Variants in GPR108 observed in about 807,000 individuals in gnomAD.
GPR108 encodes G protein-coupled receptor 108.
In GPR108, 60 loss-of-function variants were observed where a neutral mutation model predicts 74.3. That is an observed-to-expected ratio of 0.81 (90% confidence interval 0.66 to 1.00). The LOEUF is 1.00. Ranked by LOEUF, GPR108 falls within the 50% of genes least tolerant of loss-of-function variation. The pLI is 0.00. For missense variants in GPR108, 667 were observed against 703.3 expected, an observed-to-expected ratio of 0.95 and a Z score of 0.58; for synonymous variants, 311 against 292.4, an observed-to-expected ratio of 1.06 and a Z score of -0.65.
At chr19:6,735,828 C>T (rs1968612566) in intron 3 of GPR108, 80 bp downstream of exon 3, 1 of 1,540,494 alleles carries the variant, frequency 6.5e-7, no homozygotes, top group Non-Finnish European at 8.9e-7. Flanking sequence ...AACAGGGGCC[C>T]TTGGGTTACA....
Position 6,733,702 on chromosome 19 carries a change from C to T in GPR108, c.619-28G>A, listed in dbSNP as rs1047774298. On this transcript the variant is annotated intron_variant, in intron 7 of 17. Transcript: ENST00000264080. ...GGGCGGGCGGGGAGAGAGGAGGGCT[C>T]AGCCTGGGGGACCCGTGGTCTGGGG... 6 of 1,604,552 alleles carry T rather than the reference C, an allele frequency of 3.7e-6. No homozygotes were observed. The East Asian group carries it at 6.7e-5, about 18-fold the overall frequency.
chr19:6,730,379 G>C lies in GPR108; in HGVS notation c.1565C>G (p.Thr522Arg). The C allele has an allele frequency of 6.2e-7, 1 of 1,612,934 alleles. No homozygotes were observed. The highest frequency in any genetic ancestry group is 1.1e-5 in the South Asian group (1 of 91,048). ...EEDVQMEQVM[T>R]DSGFREGLSK... ...GAGGCCTTCCCGGAACCCAGAGTCC[G>C]TCATTCTGGGGGCAGACAGCGAGGA... The change falls in exon 18 of 18, where the codon ACG (threonine) becomes AGG (arginine). Residue 522 changes from threonine (T) to arginine (R), a missense_variant. Coordinates refer to ENST00000264080, the MANE Select transcript of GPR108 (RefSeq NM_001080452.2).
At chr19:6,735,586 C>T (rs766612266) in intron 4 of GPR108, 36 bp downstream of exon 4, 19 of 1,578,856 alleles carry the variant, frequency 1.2e-5, no homozygotes, top group Admixed American at 1.2e-4. Flanking sequence ...GAAACGCAGA[C>T]GAAGGATCTG....
intron 10 of GPR108, 21 bp from the exon 11 acceptor site, chr19:6,732,570 G>A (rs777118597): frequency 2.7e-5 from 44 of 1,602,356 alleles, no homozygotes; most frequent in Non-Finnish European, 3.1e-5. Context: ...ATGGACAGAC[G>A]GACAGTGAGG....
At chr19:6,737,358 C>T (rs1006383959) in intron 1 of GPR108, 99 bp downstream of exon 1, 34 of 1,385,718 alleles carry the variant, frequency 2.5e-5, no homozygotes, top group Non-Finnish European at 3.2e-5. Flanking sequence ...TCCACCGCCT[C>T]GGGGACGGGG....
rs1441408502 is a variant in GPR108, at chr19:6,732,537, A to C, written c.946T>G (p.Phe316Val). 1 of 1,612,380 alleles carries C rather than the reference A, an allele frequency of 6.2e-7. No homozygotes were observed. Among genetic ancestry groups the C allele is most frequent in the African/African-American group, 1.3e-5 (1 of 74,762 alleles). ...ATGGGGTGGCCCTGGCTGTTGATGAAGTAGTAGTTGATCTGGGGGTGGATG... is the reference window on the plus strand; with the variant it reads ...ATGGGGTGGCCCTGGCTGTTGATGACGTAGTAGTTGATCTGGGGGTGGATG... ...SLLFHSINYY[F>V]INSQGHPIEG... Residue 316 changes from phenylalanine to valine, a missense_variant, in exon 11 of 18, where the codon TTC becomes GTC. By Grantham distance (50) the Phe-to-Val change is conservative. Coordinates refer to ENST00000264080, the MANE Select transcript of GPR108 (RefSeq NM_001080452.2).
At chr19:6,737,420 C>T (rs764660187) in intron 1 of GPR108, 37 bp downstream of exon 1, 9 of 1,571,462 alleles carry the variant, frequency 5.7e-6, no homozygotes, top group Non-Finnish European at 6.0e-6. Flanking sequence ...GACAAAGTTG[C>T]GCCACCGACC....
At position 6,733,266 on chromosome 19, in the gene GPR108, C is replaced by A. The variant is rs749233730; in HGVS notation, c.759G>T (p.Leu253=). 1.9e-6 allele frequency: 3 copies of A among 1,613,914 alleles called. No individual in the cohort carries two copies. The highest frequency in any genetic ancestry group is 8.5e-7 in the Non-Finnish European group (1 of 1,180,020). ...TGAAAAGGGGCATCTCCGCTGCCGA[C>A]AGGAAGCCATCGGGGTTCTTCTCCC... The part of the protein sequence containing the change: ...MIREKNPDGF[L]SAAEMPLFKL... Residue 253 remains leucine (L), a synonymous_variant, in exon 9 of 18, where the codon CTG becomes CTT. Coordinates refer to ENST00000264080, the MANE Select transcript of GPR108 (RefSeq NM_001080452.2).
chr19:6,732,599 G>A (rs1968462285), intron 10 of GPR108, 50 bp from the exon 11 acceptor site: 1 of 1,413,402 alleles, frequency 7.1e-7, no homozygotes, highest in East Asian at 2.3e-5. Context: ...GGGGTGGGAG[G>A]CTGATGGTGG....
In GPR108 at chr19:6,732,304, C is replaced by T; in HGVS notation, c.1084G>A (p.Asp362Asn). 6.2e-7 allele frequency: 1 copy of T among 1,613,184 alleles called. No individual in the cohort carries two copies. The highest frequency in any genetic ancestry group is 8.5e-7 in the Non-Finnish European group (1 of 1,180,040). The change falls in exon 12 of 18, where the codon GAT becomes AAT. Residue 362 changes from aspartate (D) to asparagine (N), a missense_variant. Asp to Asn is a conservative substitution (Grantham distance 23). Transcript: ENST00000264080. ...ATCCCAAAGACCTTCTTCTCCTTAT[C>T]CGACAGGACGTACTTGATGAAGGCC... is the stretch of plus-strand genomic sequence containing the variant. ...GWAFIKYVLS[D>N]KEKKVFGIVI...
intron 15 of GPR108, 28 bp from the exon 16 acceptor site, chr19:6,731,310 C>T: frequency 6.5e-7 from 1 of 1,535,606 alleles, no homozygotes; most frequent in South Asian, 1.2e-5. Context: ...GGCGTGGGGC[C>T]AGGACTGTAG....
chr19:6,736,941 TG>T (rs1277115657), intron 1 of GPR108: 2 of 574,312 alleles, frequency 3.5e-6, no homozygotes, highest in Non-Finnish European at 6.1e-6. Flanking sequence ...CTGCGGCACC[TG>T]GAAGTCTCCC....
At chr19:6,735,489 G>T in intron 4 of GPR108, 133 bp downstream of exon 4, 1 of 761,928 alleles carries the variant, frequency 1.3e-6, no homozygotes, top group Non-Finnish European at 2.2e-6. Context: ...CAGAAGACTT[G>T]AAGGCAAAAC....
In GPR108 at chr19:6,730,354, G is replaced by A; in HGVS notation, c.1590C>T (p.Leu530=). 1 of 1,613,622 alleles carries A rather than the reference G, an allele frequency of 6.2e-7. No individual in the cohort carries two copies. Among genetic ancestry groups the A allele is most frequent in the Non-Finnish European group, 8.5e-7 (1 of 1,179,896 alleles). The part of the protein sequence containing the change: ...VMTDSGFREG[L]SKVNKTASGR... ...CGCTGGCTGTTTTGTTGACTTTGGA[G>A]AGGCCTTCCCGGAACCCAGAGTCCG... The change falls in exon 18 of 18, where the codon CTC becomes CTT. Residue 530 remains leucine (L), a synonymous_variant. Transcript: ENST00000264080.
chr19:6,735,759 C>T, intron 3 of GPR108, 55 bp from the exon 4 acceptor site: 1 of 1,574,604 alleles, frequency 6.4e-7, no homozygotes, highest in Non-Finnish European at 8.7e-7. Context: ...TGGTCCAGCT[C>T]CACCCTGTCT....
Position 6,732,261 on chromosome 19 carries a change from A to T in GPR108, c.1125+2T>A. 6.2e-7 allele frequency: 1 copy of T among 1,612,054 alleles called. No homozygotes were observed. Among genetic ancestry groups the T allele is most frequent in the East Asian group, 2.2e-5 (1 of 44,862 alleles). ...CTGCTCCGGAGGCTGCTCCATCCGC[A>T]CCTGCATGGGGATCACGATCCCAAA... On this transcript the variant is annotated splice_donor_variant, in intron 12 of 17. Coordinates refer to ENST00000264080, the MANE Select transcript of GPR108 (RefSeq NM_001080452.2). LOFTEE classifies it high-confidence loss of function.
At chr19:6,733,324 C>G (rs766737783) in intron 8 of GPR108, 23 bp from the exon 9 acceptor site, 10 of 1,608,010 alleles carry the variant, frequency 6.2e-6, no homozygotes, top group South Asian at 1.1e-5. Flanking sequence ...CAGTGGTGGG[C>G]GGCGGCAGGG....
chr19:6,734,828 A>G (rs1428310117), intron 4 of GPR108, among the ~76,000 whole-genome samples: 1 of 150,856 alleles, frequency 6.6e-6, no homozygotes, highest in Non-Finnish European at 1.5e-5. Context: ...TAATGGCATG[A>G]GCCACCATGG....
chr19:6,732,627 CACGGACCGTCACCATCAGATGGGT>C, intron 10 of GPR108, 78 bp from the exon 11 acceptor site: 1 of 1,077,004 alleles, frequency 9.3e-7, no homozygotes, highest in Non-Finnish European at 1.4e-6. Context: ...GGATTAGGAA[CACGGACCGTCACCATCAGATGGGT>C]GGTCAGAAAG....
Sources: allele counts gnomAD v4.1 joint callset (sites outside exome capture counted in the v4.1 genomes callset), GRCh38; gene constraint gnomAD v4.1.1; transcripts MANE v1.5; gene names NCBI Gene and HGNC (gene_info 2026-07-23, HGNC 2026-07-21).